Variants in RASEF observed in about 807,000 individuals in gnomAD.
The protein encoded by RASEF is ras and EF-hand domain-containing protein.
RASEF carries 68 observed loss-of-function variants against 90.1 expected under a neutral mutation model. The observed-to-expected ratio is 0.75, with a 90% confidence interval of 0.62 to 0.92. The LOEUF (loss-of-function observed/expected upper bound fraction) is 0.92, where lower values mean the gene tolerates loss of function less well. Among genes scored for constraint, RASEF ranks in the 40% least tolerant of loss-of-function variants. The probability of loss-of-function intolerance (pLI) is 0.00; values close to 1 mark genes in which losing one functional copy is unlikely to be tolerated. For missense variants in RASEF, 949 were observed against 937.2 expected, an observed-to-expected ratio of 1.01 and a Z score of -0.16; for synonymous variants, 331 against 345.2, an observed-to-expected ratio of 0.96 and a Z score of 0.46.
chr9:83,033,773 G>T (rs549798827), intron 1 of RASEF, among the ~76,000 whole-genome samples: 1 of 152,228 alleles, frequency 6.6e-6, no homozygotes, highest in South Asian at 2.1e-4. Flanking sequence ...TTCAGGAGTT[G>T]TCACCAGCTT....
Position 83,063,056 on chromosome 9 carries a change from G to A in RASEF, c.-189C>T. 3.3e-6 allele frequency: 2 copies of A among 601,438 alleles called. No homozygotes were observed. Among genetic ancestry groups the A allele is most frequent in the African/African-American group, 2.0e-5 (1 of 50,734 alleles). 37.3% of individuals were successfully genotyped at this position (601,438 alleles called of 1,614,324 possible). A position where few individuals can be genotyped will look rare whatever the true frequency, so the allele number is the denominator to read the frequency against. ...GGGTGGCCGAGCGGCTCCCTTCGAC[G>A]ACGGTTCGGGCCAGCCCCCAACAGG... On this transcript the variant is annotated 5_prime_UTR_variant, in exon 1 of 17. Coordinates refer to ENST00000376447, the MANE Select transcript of RASEF (RefSeq NM_152573.4).
chr9:83,056,845 A>G (rs1039629634), intron 1 of RASEF, among the ~76,000 whole-genome samples: 3 of 152,222 alleles, frequency 2.0e-5, no homozygotes, highest in Non-Finnish European at 4.4e-5. Context: ...ATCTTTCTTC[A>G]AATTCTGAGA....
chr9:83,088,313 CTA>C, the RASEF span, among the ~76,000 whole-genome samples: 4 of 151,050 alleles, frequency 2.6e-5, no homozygotes, highest in African/African-American at 9.7e-5. Context: ...ATTTATATAT[CTA>C]GAGTTAGATA....
chr9:83,160,059 T>G, the RASEF span, among the ~76,000 whole-genome samples: 1 of 152,190 alleles, frequency 6.6e-6, no homozygotes, highest in East Asian at 1.9e-4. Flanking sequence ...CCTCTTTCTT[T>G]TGTAAATTTC....
the RASEF span, among the ~76,000 whole-genome samples, chr9:83,119,642 C>A: frequency 6.6e-6 from 1 of 152,170 alleles, no homozygotes. Flanking sequence ...TTATTGATAT[C>A]TCTCAGTGCA....
the RASEF span, among the ~76,000 whole-genome samples, chr9:83,207,237 C>T: frequency 6.6e-6 from 1 of 152,154 alleles, no homozygotes; most frequent in South Asian, 2.1e-4. Context: ...CACAGACATC[C>T]TGGAATGGGA....
At chr9:82,997,261 T>C (rs1223072239) in intron 13 of RASEF, 135 bp from the exon 14 acceptor site, 7 of 627,486 alleles carry the variant, frequency 1.1e-5, no homozygotes, top group East Asian at 2.8e-5. Flanking sequence ...GACTGAGACA[T>C]AGGCATTTCA....
the RASEF span, among the ~76,000 whole-genome samples, chr9:83,146,741 T>C: frequency 6.6e-6 from 1 of 152,186 alleles, no homozygotes; most frequent in Non-Finnish European, 1.5e-5. Context: ...CTCAGGAACA[T>C]TTCCCACCAT....
the RASEF span, among the ~76,000 whole-genome samples, chr9:83,157,113 A>G: frequency 6.6e-6 from 1 of 152,240 alleles, no homozygotes; most frequent in African/African-American, 2.4e-5. Flanking sequence ...ACAGTCAGCC[A>G]GTTGTACTGT....
the RASEF span, among the ~76,000 whole-genome samples, chr9:83,169,350 TACACACACACACACACAC>T: frequency 6.2e-5 from 9 of 146,082 alleles, no homozygotes; most frequent in African/African-American, 7.6e-5. Context: ...CTGATTTCCA[TACACACACACACACACAC>T]ACACACACAC....
At position 82,982,428 on chromosome 9, in the gene RASEF, C is replaced by T; in HGVS notation, c.*249G>A. 1 of 280,390 alleles carries T rather than the reference C, an allele frequency of 3.6e-6. No individual in the cohort carries two copies. Among genetic ancestry groups the T allele is most frequent in the Non-Finnish European group, 6.7e-6 (1 of 149,120 alleles). 17.4% of individuals were successfully genotyped at this position (280,390 alleles called of 1,614,324 possible). The stretch of plus-strand genomic sequence containing the variant: ...TTTTTTACCATTTTAAAAACATTTA[C>T]ATGTTATCTTTTAAGACCTGTAAGG... On this transcript the variant is annotated 3_prime_UTR_variant, in exon 17 of 17. Transcript: ENST00000376447.
At chr9:83,147,028 G>GTGTATATATATATA in the RASEF span, among the ~76,000 whole-genome samples, 2 of 31,340 alleles carry the variant, frequency 6.4e-5, no homozygotes, top group East Asian at 1.3e-3. Context: ...GTGTGTGTGT[G>GTGTATATATATATA]TATATATATA....
At chr9:83,046,873 G>A (rs952932710) in intron 1 of RASEF, among the ~76,000 whole-genome samples, 2 of 152,132 alleles carry the variant, frequency 1.3e-5, no homozygotes, top group African/African-American at 4.8e-5. Flanking sequence ...CTAACAATAG[G>A]TGATACTTTC....
chr9:83,218,354 C>T, the RASEF span, among the ~76,000 whole-genome samples: 5 of 152,228 alleles, frequency 3.3e-5, no homozygotes, highest in African/African-American at 1.2e-4. Flanking sequence ...CTCCCTCATC[C>T]TCACTAACCC....
At chr9:83,026,067 G>T in intron 1 of RASEF, 146 bp from the exon 2 acceptor site, 1 of 622,996 alleles carries the variant, frequency 1.6e-6, no homozygotes, top group Non-Finnish European at 2.6e-6. Flanking sequence ...AGGGAAGACA[G>T]CAGTCAGGAG....
Position 83,062,838 on chromosome 9 carries a change from C to G in RASEF, c.30G>C (p.Leu10=), listed in dbSNP as rs1453630450. The G allele has an allele frequency of 6.5e-7, 1 of 1,543,530 alleles. No homozygotes were observed. Among genetic ancestry groups the G allele is most frequent in the Non-Finnish European group, 8.7e-7 (1 of 1,155,928 alleles). MEADGDGEE[L]ARLRSVFAAC... ...CGGCGAAGACTGAGCGCAGCCGGGC[C>G]AGCTCCTCTCCGTCCCCATCCGCCT... The change falls in exon 1 of 17, where the codon CTG becomes CTC. Residue 10 remains leucine, a synonymous_variant. Transcript: ENST00000376447.
intron 14 of RASEF, among the ~76,000 whole-genome samples, chr9:82,993,637 C>T (rs1332099416): frequency 1.3e-5 from 2 of 152,206 alleles, no homozygotes. Context: ...TATAAAAGTC[C>T]TGAAGGTCAA....
At chr9:82,983,138 CACACACACACACACACA>C (rs1828647025) in intron 16 of RASEF, among the ~76,000 whole-genome samples, 1 of 151,314 alleles carries the variant, frequency 6.6e-6, no homozygotes, top group African/African-American at 2.4e-5. Context: ...CACACACACA[CACACACACACACACACA>C]CCCTTCTCCC....
the RASEF span, among the ~76,000 whole-genome samples, chr9:83,122,445 G>A: frequency 2.6e-5 from 4 of 152,158 alleles, no homozygotes; most frequent in South Asian, 8.3e-4. Flanking sequence ...CAAAGGAGGA[G>A]GGAGAAAATG....
Sources: allele counts gnomAD v4.1 joint callset (sites outside exome capture counted in the v4.1 genomes callset), GRCh38; gene constraint gnomAD v4.1.1; transcripts MANE v1.5; gene names NCBI Gene and HGNC (gene_info 2026-07-23, HGNC 2026-07-21).